Variants in SORCS3 observed in about 807,000 individuals in gnomAD.
SORCS3 encodes sortilin related VPS10 domain containing receptor 3.
Under a neutral mutation model 146.3 loss-of-function variants are expected in SORCS3, and 57 were observed. The observed-to-expected ratio is 0.39, with a 90% CI of 0.31 to 0.49. The LOEUF (loss-of-function observed/expected upper bound fraction) is 0.49. Ranked by LOEUF, SORCS3 falls within the 20% of genes least tolerant of loss-of-function variation. The pLI is 0.92. For missense variants in SORCS3, 1,341 were observed against 1,575.5 expected (o/e 0.85, Z 2.52); for synonymous variants, 653 against 618.5 (o/e 1.06, Z -0.83).
intron 1 of SORCS3, among the ~76,000 whole-genome samples, chr10:104,802,400 A>G (rs1564687500): frequency 6.6e-6 from 1 of 152,224 alleles, no homozygotes; most frequent in South Asian, 2.1e-4. Context: ...TTGAGATAAT[A>G]CTTTTAAACC....
intron 1 of SORCS3, among the ~76,000 whole-genome samples, chr10:104,667,547 T>C (rs1333250255): frequency 1.3e-5 from 2 of 152,214 alleles, no homozygotes; most frequent in Non-Finnish European, 2.9e-5. Flanking sequence ...AAATGAGCAA[T>C]GTCCCTTTTT....
chr10:105,065,418 A>G (rs2055516510), intron 5 of SORCS3, among the ~76,000 whole-genome samples: 1 of 151,138 alleles, frequency 6.6e-6, no homozygotes, highest in African/African-American at 2.5e-5. Flanking sequence ...AAAAAAAATC[A>G]GTCTGGGAAA....
At chr10:105,171,540 G>A (rs2056359968) in intron 13 of SORCS3, among the ~76,000 whole-genome samples, 1 of 152,190 alleles carries the variant, frequency 6.6e-6, no homozygotes, top group African/African-American at 2.4e-5. Context: ...CTGGCCTTTT[G>A]TGTTTCTTTG....
At chr10:105,253,984 G>A (rs955439896) in intron 23 of SORCS3, among the ~76,000 whole-genome samples, 1 of 152,248 alleles carries the variant, frequency 6.6e-6, no homozygotes, top group African/African-American at 2.4e-5. Context: ...TTACAGTGAT[G>A]AATAGCAGCT....
At chr10:105,138,058 G>A (rs1472473363) in intron 7 of SORCS3, among the ~76,000 whole-genome samples, 1 of 152,188 alleles carries the variant, frequency 6.6e-6, no homozygotes, top group East Asian at 1.9e-4. Flanking sequence ...CAGAACAGAT[G>A]TTGTATCAAA....
rs1359718686 is a variant in SORCS3, at chr10:105,252,554, T to C, written c.3106-221T>C. On this transcript the variant is annotated intron_variant, in intron 22 of 26. Coordinates refer to ENST00000369701, the MANE Select transcript of SORCS3 (RefSeq NM_014978.3). ...AATACCATTCTAGTTTCAGTAAAAA[T>C]GTATATAAGAGCAGGGGAGGTAGTG... Among the ~76,000 whole-genome samples the C allele has an allele frequency of 2.6e-5, 4 of 152,162 alleles. No individual in the cohort carries two copies. The East Asian group carries it at 7.7e-4, about 29-fold the overall frequency.
chr10:104,846,962 G>A (rs2018213359), intron 2 of SORCS3, among the ~76,000 whole-genome samples: 1 of 152,174 alleles, frequency 6.6e-6, no homozygotes, highest in Non-Finnish European at 1.5e-5. Context: ...CTTCAAAAAT[G>A]GAAAGTCTGC....
At chr10:105,012,060 A>C (rs151004240) in intron 4 of SORCS3, among the ~76,000 whole-genome samples, 157 of 152,290 alleles carry the variant, frequency 1.0e-3, no homozygotes, top group African/African-American at 3.7e-3. Context: ...CATTTGAGAG[A>C]GCATAAGTTT....
chr10:105,176,400 A>C (rs72817776), intron 13 of SORCS3, among the ~76,000 whole-genome samples: 12,476 of 151,962 alleles, frequency 0.082, 632 homozygotes, highest in Middle Eastern at 0.16. Flanking sequence ...TAAAAAAAAA[A>C]AAATTAGCCA....
intron 5 of SORCS3, among the ~76,000 whole-genome samples, chr10:105,074,681 T>C (rs139572493): frequency 1.3e-5 from 2 of 152,320 alleles, no homozygotes; most frequent in East Asian, 3.9e-4. Context: ...TTCCCACTTA[T>C]ACTATGAACC....
intron 1 of SORCS3, among the ~76,000 whole-genome samples, chr10:104,768,090 G>C (rs988644338): frequency 1.3e-5 from 2 of 152,184 alleles, no homozygotes; most frequent in African/African-American, 4.8e-5. Context: ...GAACTGTAGA[G>C]CAGAGCTTCT....
intron 4 of SORCS3, among the ~76,000 whole-genome samples, chr10:105,035,953 T>G (rs574870281): frequency 2.0e-5 from 3 of 152,192 alleles, no homozygotes; most frequent in Non-Finnish European, 4.4e-5. Flanking sequence ...GTCCTCATTT[T>G]GTCCTTAACA....
chr10:104,986,323 T>C (rs568303936), intron 4 of SORCS3, among the ~76,000 whole-genome samples: 7 of 152,346 alleles, frequency 4.6e-5, no homozygotes, highest in South Asian at 4.1e-4. Context: ...TCAGCCTTCA[T>C]AGAATTGAAG....
chr10:105,249,795 A>G (rs1055884515), intron 22 of SORCS3, among the ~76,000 whole-genome samples: 1 of 152,138 alleles, frequency 6.6e-6, no homozygotes, highest in African/African-American at 2.4e-5. Context: ...CTGAGGCAGG[A>G]TAATTGCTTG....
At chr10:104,935,332 G>GGA (rs1481008402) in intron 3 of SORCS3, among the ~76,000 whole-genome samples, 1 of 152,138 alleles carries the variant, frequency 6.6e-6, no homozygotes, top group Non-Finnish European at 1.5e-5. Context: ...CAGCAGATTT[G>GGA]GAGTCTGTTT....
chr10:105,241,515 C>A (rs1001572769), intron 20 of SORCS3, among the ~76,000 whole-genome samples: 5 of 152,174 alleles, frequency 3.3e-5, no homozygotes, highest in Non-Finnish European at 7.3e-5. Flanking sequence ...TCTGCCACTG[C>A]GAGTAAAGGG....
chr10:104,867,941 C>T (rs1589529695), intron 2 of SORCS3, among the ~76,000 whole-genome samples: 1 of 152,338 alleles, frequency 6.6e-6, no homozygotes, highest in East Asian at 1.9e-4. Context: ...ACACAGCCAT[C>T]AAATGCAGCA....
chr10:104,989,641 A>G (rs1166846754), intron 4 of SORCS3, among the ~76,000 whole-genome samples: 1 of 152,188 alleles, frequency 6.6e-6, no homozygotes, highest in Non-Finnish European at 1.5e-5. Flanking sequence ...GTTCTGTCTA[A>G]GCAGAATGTG....
At chr10:105,149,286 G>C (rs2119472429) in intron 9 of SORCS3, among the ~76,000 whole-genome samples, 1 of 152,212 alleles carries the variant, frequency 6.6e-6, no homozygotes, top group African/African-American at 2.4e-5. Context: ...GCAAATGAAT[G>C]TACATTTTAA....
Sources: allele counts gnomAD v4.1 joint callset (sites outside exome capture counted in the v4.1 genomes callset), GRCh38; gene constraint gnomAD v4.1.1; transcripts MANE v1.5; gene names NCBI Gene and HGNC (gene_info 2026-07-23, HGNC 2026-07-21).